PPP1R1C: variants seen among roughly 807,000 people sequenced by gnomAD.
The protein encoded by PPP1R1C is protein phosphatase 1 regulatory subunit 1C.
PPP1R1C carries 15 observed loss-of-function variants against 17.4 expected under a neutral mutation model. The ratio of observed to expected loss-of-function variants is 0.86; its 90% CI spans 0.58 to 1.33. The LOEUF is 1.33. Among genes scored for constraint, PPP1R1C ranks in the 40% most tolerant of loss-of-function variants. The pLI is 0.00. For missense variants in PPP1R1C, 143 were observed against 130.0 expected (o/e 1.10, Z -0.48); for synonymous variants, 35 against 43.1 (o/e 0.81, Z 0.73).
chr2:182,092,582 A>C (rs942939165), intron 4 of PPP1R1C, among the ~76,000 whole-genome samples: 2 of 152,178 alleles, frequency 1.3e-5, no homozygotes, highest in Admixed American at 6.5e-5. Flanking sequence ...TTCCACCTAT[A>C]AGCCTGTAAA....
rs961727204 is a variant in PPP1R1C at position 181,960,866 on chromosome 2, G to A, written n.111+6232G>A. ...AAATTATGAAACAAAACAAGCTCTA[G>A]CTCCCCTTCTGTGCCCGTATGAATT... On this transcript the variant is annotated intron_variant and non_coding_transcript_variant, in intron 1 of 5. Coordinates refer to the PPP1R1C transcript ENST00000464264. Among the ~76,000 whole-genome samples the A allele has an allele frequency of 2.0e-5, 3 of 152,106 alleles. No individual in the cohort carries two copies. In the South Asian group the frequency reaches 6.2e-4, roughly 32 times the overall value.
chr2:182,042,285 T>C (rs188325531), intron 2 of PPP1R1C, among the ~76,000 whole-genome samples: 231 of 152,274 alleles, frequency 1.5e-3, no homozygotes, highest in African/African-American at 5.1e-3. Flanking sequence ...CAGATAAATA[T>C]GAAAAATGAG....
At chr2:182,010,092 G>A (rs1323512247) in intron 2 of PPP1R1C, among the ~76,000 whole-genome samples, 2 of 151,340 alleles carry the variant, frequency 1.3e-5, no homozygotes, top group East Asian at 3.9e-4. Flanking sequence ...GGATTGTTTG[G>A]GCTATTCTAG....
At chr2:182,097,551 AT>A (rs2125225492) in intron 4 of PPP1R1C, among the ~76,000 whole-genome samples, 1 of 152,280 alleles carries the variant, frequency 6.6e-6, no homozygotes, top group African/African-American at 2.4e-5. Flanking sequence ...ACTAAGAATC[AT>A]TGGTTCACCC....
At chr2:182,130,328 C>A (rs762085347), downstream of PPP1R1C, 3 of 152,088 alleles carry the variant, frequency 2.0e-5, no homozygotes, top group Non-Finnish European at 4.4e-5. Flanking sequence ...GACCTACCTG[C>A]GGAATTGTGG....
At chr2:182,018,543 G>A (rs1004837103) in intron 2 of PPP1R1C, among the ~76,000 whole-genome samples, 1 of 152,198 alleles carries the variant, frequency 6.6e-6, no homozygotes, top group Non-Finnish European at 1.5e-5. Context: ...AGTTAGACTA[G>A]AGCAGATGGC....
At chr2:182,096,480 A>T (rs1688941401) in intron 4 of PPP1R1C, among the ~76,000 whole-genome samples, 1 of 152,154 alleles carries the variant, frequency 6.6e-6, no homozygotes, top group Admixed American at 6.5e-5. Flanking sequence ...GAAATAGATC[A>T]AATTTCTTAG....
At chr2:182,029,233 G>A (rs1187946727) in intron 2 of PPP1R1C, among the ~76,000 whole-genome samples, 1 of 150,642 alleles carries the variant, frequency 6.6e-6, no homozygotes, top group Non-Finnish European at 1.5e-5. Context: ...ATATTGTCAT[G>A]TGTGAATTTG....
At chr2:181,964,885 T>C (rs939118276) in intron 1 of PPP1R1C, among the ~76,000 whole-genome samples, 5 of 152,176 alleles carry the variant, frequency 3.3e-5, no homozygotes, top group Non-Finnish European at 5.9e-5. Context: ...TTTGTATTTT[T>C]AGTAGAGACA....
intron 5 of PPP1R1C, among the ~76,000 whole-genome samples, chr2:182,123,342 A>G (rs1689785119): frequency 6.6e-6 from 1 of 152,192 alleles, no homozygotes; most frequent in South Asian, 2.1e-4. Flanking sequence ...TAGTAGAATG[A>G]TTTATAATCC....
At chr2:181,982,496 G>A (rs1039900690), upstream of PPP1R1C, among the ~76,000 whole-genome samples, 4 of 152,266 alleles carry the variant, frequency 2.6e-5, no homozygotes, top group African/African-American at 9.6e-5. Flanking sequence ...CAGTCTAGGA[G>A]AAGAGGCAAA....
intron 2 of PPP1R1C, among the ~76,000 whole-genome samples, chr2:181,993,581 T>A (rs764009002): frequency 8.5e-5 from 13 of 152,208 alleles, no homozygotes; most frequent in Non-Finnish European, 1.6e-4. Context: ...AATGGTCCAG[T>A]GTTTGAAGAT....
chr2:182,003,699 G>GTGTGTT (rs1426450163), intron 2 of PPP1R1C, among the ~76,000 whole-genome samples: 32 of 151,794 alleles, frequency 2.1e-4, no homozygotes, highest in African/African-American at 7.2e-4. Flanking sequence ...GTGTGTGTGT[G>GTGTGTT]TGTGTGTGTA....
chr2:182,033,214 G>A (rs1411151476), intron 2 of PPP1R1C, among the ~76,000 whole-genome samples: 1 of 152,032 alleles, frequency 6.6e-6, no homozygotes, highest in Non-Finnish European at 1.5e-5. Context: ...CTGCTCCTAA[G>A]TTTCCTACCA....
chr2:182,111,488 G>A (rs1379014126), intron 4 of PPP1R1C, among the ~76,000 whole-genome samples: 1 of 152,042 alleles, frequency 6.6e-6, no homozygotes, highest in Non-Finnish European at 1.5e-5. Context: ...GGTGAGTTCA[G>A]GAAATAATAT....
At chr2:182,060,068 G>A (rs1687806008) in intron 2 of PPP1R1C, among the ~76,000 whole-genome samples, 2 of 152,090 alleles carry the variant, frequency 1.3e-5, no homozygotes, top group Non-Finnish European at 1.5e-5. Flanking sequence ...GTTCAATTTA[G>A]TATATCCATA....
chr2:182,028,981 T>C (rs1442384159), intron 2 of PPP1R1C, among the ~76,000 whole-genome samples: 1 of 136,810 alleles, frequency 7.3e-6, no homozygotes, highest in Non-Finnish European at 1.6e-5. Context: ...CTTCTTTGTC[T>C]CTTTTGATCT....
intron 2 of PPP1R1C, among the ~76,000 whole-genome samples, chr2:182,051,748 G>A (rs1687524897): frequency 1.3e-5 from 2 of 152,238 alleles, no homozygotes; most frequent in Admixed American, 6.5e-5. Context: ...TATTCCCACT[G>A]TTTAAATACA....
chr2:182,073,120 A>G (rs1014746101), intron 4 of PPP1R1C, among the ~76,000 whole-genome samples: 3 of 152,198 alleles, frequency 2.0e-5, no homozygotes, highest in Non-Finnish European at 2.9e-5. Context: ...AGTGTTATTT[A>G]CATAGAGGCG....
Sources: allele counts gnomAD v4.1 joint callset (sites outside exome capture counted in the v4.1 genomes callset), GRCh38; gene constraint gnomAD v4.1.1; transcripts MANE v1.5; gene names NCBI Gene and HGNC (gene_info 2026-07-23, HGNC 2026-07-21).